ARHGAP32: variants seen among roughly 807,000 people sequenced by gnomAD.
The protein encoded by ARHGAP32 is Rho GTPase activating protein 32.
Under a neutral mutation model 186.5 loss-of-function variants are expected in ARHGAP32, and 51 were observed. The ratio of observed to expected loss-of-function variants is 0.27; its 90% CI spans 0.22 to 0.35. The LOEUF is 0.35. Among genes scored for constraint, ARHGAP32 ranks in the 10% least tolerant of loss-of-function variants. The pLI, the probability that ARHGAP32 is intolerant of heterozygous loss-of-function variation, is 1.00. For synonymous variants in ARHGAP32, 950 were observed against 964.3 expected (o/e 0.99, Z 0.27); for missense variants, 2,186 against 2,623.5 (o/e 0.83, Z 3.64).
chr11:129,250,637 A>C (rs1945169223), intron 1 of ARHGAP32, among the ~76,000 whole-genome samples: 1 of 152,180 alleles, frequency 6.6e-6, no homozygotes, highest in South Asian at 2.1e-4. Flanking sequence ...TACCATCCAA[A>C]GTGAAACCTT....
chr11:128,976,512 T>A (rs1390820660), intron 20 of ARHGAP32, 51 bp downstream of exon 20: 2 of 1,402,196 alleles, frequency 1.4e-6, no homozygotes, highest in Non-Finnish European at 2.0e-6. Context: ...ATTGCAGTAT[T>A]CCTTTATGCA....
intron 11 of ARHGAP32, among the ~76,000 whole-genome samples, chr11:129,012,585 G>A (rs1938134723): frequency 6.6e-6 from 1 of 152,110 alleles, no homozygotes; most frequent in Non-Finnish European, 1.5e-5. Flanking sequence ...ACAGCTGAGG[G>A]ATCCCTGAGT....
chr11:128,991,781 G>A (rs979436481), intron 12 of ARHGAP32, among the ~76,000 whole-genome samples: 1 of 152,072 alleles, frequency 6.6e-6, no homozygotes, highest in African/African-American at 2.4e-5. Context: ...AGAATAAGAA[G>A]TACATATTTA....
At chr11:129,101,877 G>T (rs998133278) in intron 5 of ARHGAP32, among the ~76,000 whole-genome samples, 2 of 152,122 alleles carry the variant, frequency 1.3e-5, no homozygotes, top group African/African-American at 4.8e-5. Flanking sequence ...TACTTCACAA[G>T]AAGATCATCC....
intron 11 of ARHGAP32, among the ~76,000 whole-genome samples, chr11:129,034,775 G>A (rs773415553): frequency 2.1e-5 from 3 of 145,974 alleles, no homozygotes; most frequent in East Asian, 4.0e-4. Flanking sequence ...ACAGGAGATC[G>A]TGCCACTGCA....
At chr11:129,173,811 A>C (rs1467028622) in intron 1 of ARHGAP32, among the ~76,000 whole-genome samples, 1 of 152,250 alleles carries the variant, frequency 6.6e-6, no homozygotes, top group East Asian at 1.9e-4. Context: ...TGAAATACTA[A>C]ATGATTTCCC....
chr11:129,048,196 G>A (rs1939892684), intron 10 of ARHGAP32, among the ~76,000 whole-genome samples: 1 of 151,518 alleles, frequency 6.6e-6, no homozygotes, highest in Non-Finnish European at 1.5e-5. Context: ...AATTACTCTT[G>A]CAGCCGGATA....
chr11:128,998,726 A>G (rs562998257), intron 11 of ARHGAP32, among the ~76,000 whole-genome samples: 4 of 152,348 alleles, frequency 2.6e-5, no homozygotes, highest in Admixed American at 6.5e-5. Context: ...GCAGAAGAAC[A>G]TAAATTGTGA....
At chr11:129,067,379 C>A (rs533882858) in intron 6 of ARHGAP32, among the ~76,000 whole-genome samples, 13 of 152,162 alleles carry the variant, frequency 8.5e-5, no homozygotes, top group African/African-American at 3.1e-4. Flanking sequence ...GCCTCTCAGG[C>A]CTTCCTTTCT....
At chr11:129,012,015 G>C (rs976194311) in intron 11 of ARHGAP32, among the ~76,000 whole-genome samples, 2 of 152,148 alleles carry the variant, frequency 1.3e-5, no homozygotes, top group Non-Finnish European at 2.9e-5. Context: ...AGGGTAAAGG[G>C]TAAGAATAGG....
intron 10 of ARHGAP32, among the ~76,000 whole-genome samples, chr11:129,044,196 T>C (rs1441510523): frequency 2.6e-5 from 4 of 152,170 alleles, no homozygotes. Context: ...CTAAACATGG[T>C]AATAATAATG....
rs773062605 is a variant in ARHGAP32, at chr11:128,969,375, T to C, written c.5838A>G (p.Gln1946=). 6.2e-7 allele frequency: 1 copy of C among 1,614,242 alleles called. No homozygotes were observed. The highest frequency in any genetic ancestry group is 2.2e-5 in the East Asian group (1 of 44,876). The change falls in exon 23 of 23, where the codon CAA becomes CAG. Residue 1946 remains glutamine (Q), a synonymous_variant. Transcript: ENST00000682385. This position sits in a 1 kb window ranked among gnomAD's most constrained non-coding sequence, Gnocchi z 4.8. The part of the protein sequence containing the change: ...NSGVKYAASG[Q]ESLRLNHKEV... Reference sequence around the variant, plus strand: ...CTTTGTGGTTCAGTCTTAAAGATTCTTGCCCGGATGCAGCATATTTTACTC... The same window carrying C: ...CTTTGTGGTTCAGTCTTAAAGATTCCTGCCCGGATGCAGCATATTTTACTC...
chr11:129,253,988 T>C (rs779853665), intron 1 of ARHGAP32, among the ~76,000 whole-genome samples: 4 of 152,148 alleles, frequency 2.6e-5, no homozygotes, highest in Non-Finnish European at 5.9e-5. Flanking sequence ...AATTATGTGG[T>C]GTTAACTGTT....
chr11:129,173,623 G>A (rs554618349), intron 1 of ARHGAP32, among the ~76,000 whole-genome samples: 4 of 152,146 alleles, frequency 2.6e-5, no homozygotes, highest in East Asian at 1.9e-4. Flanking sequence ...TATCCACCAC[G>A]ATCAAGTCGG....
chr11:129,233,435 C>T (rs1944885268), intron 1 of ARHGAP32, among the ~76,000 whole-genome samples: 1 of 152,050 alleles, frequency 6.6e-6, no homozygotes, highest in South Asian at 2.1e-4. Context: ...AATTCTAATA[C>T]ACAATTGGTG....
chr11:129,057,727 T>A (rs578210147), intron 10 of ARHGAP32, among the ~76,000 whole-genome samples: 48 of 150,582 alleles, frequency 3.2e-4, no homozygotes, highest in Non-Finnish European at 4.1e-4. Flanking sequence ...AAAATCTGTG[T>A]ATTAGTGGAC....
exon 1 of ARHGAP32, chr11:129,279,190 CG>C (rs1183597593): frequency 6.9e-6 from 1 of 145,824 alleles, no homozygotes; most frequent in African/African-American, 2.5e-5. Context: ...CCCTGCGCCC[CG>C]CTGGCCGCTC....
intron 11 of ARHGAP32, among the ~76,000 whole-genome samples, chr11:129,003,476 T>C (rs947003182): frequency 6.6e-6 from 1 of 152,218 alleles, no homozygotes; most frequent in Non-Finnish European, 1.5e-5. Flanking sequence ...TTTGATTAAA[T>C]GTTTGGTAAA....
chr11:128,990,100 A>G (rs535397714), intron 12 of ARHGAP32, among the ~76,000 whole-genome samples: 2 of 152,236 alleles, frequency 1.3e-5, no homozygotes, highest in East Asian at 1.9e-4. Flanking sequence ...CAACCATGCT[A>G]TGACTTCTTC....
Sources: allele counts gnomAD v4.1 joint callset (sites outside exome capture counted in the v4.1 genomes callset), GRCh38; gene constraint gnomAD v4.1.1; non-coding constraint Gnocchi (gnomAD v3.1); transcripts MANE v1.5; gene names NCBI Gene and HGNC (gene_info 2026-07-23, HGNC 2026-07-21).